The following NUP210 variants were observed in gnomAD, a reference collection of about 807,000 sequenced individuals.
The protein encoded by NUP210 is nucleoporin 210.
NUP210 carries 151 observed loss-of-function variants against 196.0 expected under a neutral mutation model. The ratio of observed to expected loss-of-function variants is 0.77; its 90% CI spans 0.67 to 0.88. NUP210 has a LOEUF of 0.88. Ranked by LOEUF, NUP210 falls within the 40% of genes least tolerant of loss-of-function variation. NUP210 has a pLI of 0.00. For synonymous variants in NUP210, 1,070 were observed against 1,052.7 expected (o/e 1.02, Z -0.32); for missense variants, 2,314 against 2,493.7 (o/e 0.93, Z 1.53).
intron 14 of NUP210, among the ~76,000 whole-genome samples, chr3:13,362,531 G>A (rs1395302906): frequency 6.6e-6 from 1 of 152,212 alleles, no homozygotes; most frequent in Non-Finnish European, 1.5e-5. Context: ...CCAGTCCAAG[G>A]TGTTTCGTTA....
In NUP210 at chr3:13,353,875, T is replaced by C. The variant is rs537999817; in HGVS notation, c.2521+40A>G. 362 of 1,570,038 alleles carry C rather than the reference T, an allele frequency of 2.3e-4. 5 individuals are homozygous for C. The South Asian group carries it at 4.0e-3, about 17-fold the overall frequency. ...CTTGGCAGGCTTCCTGTCTGGTCTCTGTTCTCCTGCCTGGGCCATCAGGCT... is the reference window on the plus strand; with the variant it reads ...CTTGGCAGGCTTCCTGTCTGGTCTCCGTTCTCCTGCCTGGGCCATCAGGCT... On this transcript the variant is annotated intron_variant, in intron 17 of 39. Transcript: ENST00000254508.
chr3:13,331,491 C>G (rs896791993), intron 29 of NUP210, among the ~76,000 whole-genome samples: 4 of 152,174 alleles, frequency 2.6e-5, no homozygotes, highest in African/African-American at 9.7e-5. Flanking sequence ...GCCCGAGCAT[C>G]TCCATCTGGG....
In NUP210 at chr3:13,333,050, G is replaced by T. The variant is rs111732499; in HGVS notation, c.3844-666C>A. On this transcript the variant is annotated intron_variant, in intron 28 of 39. Coordinates refer to ENST00000254508, the MANE Select transcript of NUP210 (RefSeq NM_024923.4). ...CCGTTCCACCTCCCAGGCTCCTCTGGCTGGCTCTGGCCATGTTCTTGCAGG... is the reference window on the plus strand; with the variant it reads ...CCGTTCCACCTCCCAGGCTCCTCTGTCTGGCTCTGGCCATGTTCTTGCAGG... Among the ~76,000 whole-genome samples, 411 of 152,196 alleles carry T rather than the reference G, an allele frequency of 2.7e-3. 2 individuals carry two copies. The highest frequency in any genetic ancestry group is 8.8e-3 in the African/African-American group (366 of 41,538).
At position 13,413,901 on chromosome 3, in the gene NUP210, A is replaced by C. The variant is rs9849361; in HGVS notation, c.167+6159T>G. Among the ~76,000 whole-genome samples, 6 of 152,288 alleles carry C rather than the reference A, an allele frequency of 3.9e-5. No homozygotes were observed. The East Asian group carries it at 9.6e-4, about 24-fold the overall frequency. On this transcript the variant is annotated intron_variant, in intron 1 of 39. Transcript: ENST00000254508. ...ATAAAAAAATATGTAAACCACATAC[A>C]GACACCAGAAGAAAACTTTTATTTT...
Position 13,319,826 on chromosome 3 carries a change from T to C in NUP210, c.5320A>G (p.Asn1774Asp). The C allele has an allele frequency of 6.2e-7, 1 of 1,614,202 alleles. No individual in the cohort carries two copies. Among genetic ancestry groups the C allele is most frequent in the Non-Finnish European group, 8.5e-7 (1 of 1,180,022 alleles). The change falls in exon 37 of 40, where the codon AAC (asparagine) becomes GAC (aspartate). Residue 1774 changes from asparagine (N) to aspartate (D), a missense_variant. Transcript: ENST00000254508. ...TTLTFSSPVT[N>D]QAIAIPVTVA... ...GTCACTGGGATGGCAATGGCTTGGT[T>C]GGTCACGGGGCTGGAGAAGGTCAGG... is the stretch of plus-strand genomic sequence containing the variant.
At chr3:13,331,626 T>G (rs2124844554) in intron 29 of NUP210, among the ~76,000 whole-genome samples, 1 of 152,348 alleles carries the variant, frequency 6.6e-6, no homozygotes, top group East Asian at 1.9e-4. Flanking sequence ...CACCCATATC[T>G]GTGTTCCTGG....
Position 13,379,449 on chromosome 3 carries a change from G to T in NUP210, c.976+114C>A. 1 of 1,341,298 alleles carries T rather than the reference G, an allele frequency of 7.5e-7. No homozygotes were observed. The highest frequency in any genetic ancestry group is 1.1e-6 in the Non-Finnish European group (1 of 947,210). 83.1% of individuals were successfully genotyped at this position (1,341,298 alleles called of 1,614,324 possible). A position where few individuals can be genotyped will look rare whatever the true frequency, so the allele number is the denominator to read the frequency against. The stretch of plus-strand genomic sequence containing the variant: ...TTCAGTTCTTTCTGATTTTCAGACC[G>T]TTGAGGGGAAACGGCTATTTTTAGC... On this transcript the variant is annotated intron_variant, in intron 7 of 39. Coordinates refer to ENST00000254508, the MANE Select transcript of NUP210 (RefSeq NM_024923.4). The surrounding 1 kb of genome is among the most constrained non-coding windows in gnomAD (Gnocchi z 4.2).
Position 13,360,258 on chromosome 3 carries a change from C to G in NUP210, c.2154+12G>C, listed in dbSNP as rs1559328025. On this transcript the variant is annotated intron_variant, in intron 15 of 39. Coordinates refer to ENST00000254508, the MANE Select transcript of NUP210 (RefSeq NM_024923.4). ...TTAGGGCAAGGAGGGTCTGGAGCAG[C>G]TGCCCACTCACCTGCTCACCCAAGG... 1 of 1,602,094 alleles carries G rather than the reference C, an allele frequency of 6.2e-7. No individual in the cohort carries two copies. The highest frequency in any genetic ancestry group is 1.1e-5 in the South Asian group (1 of 90,836).
chr3:13,327,830 C>T (rs1696830814), intron 31 of NUP210, among the ~76,000 whole-genome samples: 1 of 152,254 alleles, frequency 6.6e-6, no homozygotes, highest in Admixed American at 6.5e-5. Flanking sequence ...ACTGCAGAAG[C>T]AGCCTCTGCC....
At position 13,349,208 on chromosome 3, in the gene NUP210, C is replaced by T. The variant is rs1029253189; in HGVS notation, c.2835+2671G>A. Among the ~76,000 whole-genome samples, 7 of 152,322 alleles carry T rather than the reference C, an allele frequency of 4.6e-5. No individual in the cohort carries two copies. The East Asian group carries it at 1.4e-3, about 29-fold the overall frequency. ...GAAATAAGATGCCCATCCTCCCTGA[C>T]CTCCCACCCCAGTGAGCGGGGCTCC... is the stretch of plus-strand genomic sequence containing the variant. On this transcript the variant is annotated intron_variant, in intron 20 of 39. Coordinates refer to ENST00000254508, the MANE Select transcript of NUP210 (RefSeq NM_024923.4).
chr3:13,323,542 C>T lies in NUP210; in HGVS notation c.4645-110G>A. 2 of 1,255,808 alleles carry T rather than the reference C, an allele frequency of 1.6e-6. No individual in the cohort carries two copies. Among genetic ancestry groups the T allele is most frequent in the South Asian group, 2.8e-5 (2 of 71,892 alleles). 77.8% of individuals were successfully genotyped at this position (1,255,808 alleles called of 1,614,324 possible). On this transcript the variant is annotated intron_variant, in intron 33 of 39. Transcript: ENST00000254508. The surrounding 1 kb of genome is among the most constrained non-coding windows in gnomAD (Gnocchi z 4.3). ...CTGTGACATAGTGTCACCCGTTTCA[C>T]AGGTGGCAACACTGAGGCTCAAAGC...
chr3:13,340,356 A>G lies in NUP210; in HGVS notation c.3229-58T>C, dbSNP rs1055558838. 1.1e-5 allele frequency: 16 copies of G among 1,453,654 alleles called. No individual in the cohort carries two copies. Among genetic ancestry groups the G allele is most frequent in the African/African-American group, 9.8e-5 (7 of 71,730 alleles). 90.0% of individuals were successfully genotyped at this position (1,453,654 alleles called of 1,614,324 possible). On this transcript the variant is annotated intron_variant, in intron 23 of 39. Coordinates refer to ENST00000254508, the MANE Select transcript of NUP210 (RefSeq NM_024923.4). This position sits in a 1 kb window ranked among gnomAD's most constrained non-coding sequence, Gnocchi z 4.0. ...GTGCCCCAAGCCCATGGCGCCAAGC[A>G]TAACTCACACACTACATGTTTCATG...
chr3:13,355,574 C>A (rs2124884530), intron 16 of NUP210, among the ~76,000 whole-genome samples: 1 of 152,328 alleles, frequency 6.6e-6, no homozygotes. Context: ...GCCTGCCTGA[C>A]CGATACAGTC....
At chr3:13,352,328 G>A in intron 18 of NUP210, 144 bp from the exon 19 acceptor site, 1 of 622,780 alleles carries the variant, frequency 1.6e-6, no homozygotes, top group Admixed American at 2.8e-5. Context: ...AATGGCCACA[G>A]ACCCTTTGAG....
intron 6 of NUP210, among the ~76,000 whole-genome samples, chr3:13,381,326 A>G (rs1450916202): frequency 1.3e-5 from 2 of 152,148 alleles, no homozygotes; most frequent in African/African-American, 4.8e-5. Context: ...CATAGCACAG[A>G]TGTAACCCTC....
intron 1 of NUP210, among the ~76,000 whole-genome samples, chr3:13,413,073 T>C (rs1378107595): frequency 6.6e-6 from 1 of 152,048 alleles, no homozygotes; most frequent in African/African-American, 2.4e-5. Flanking sequence ...GAGACTAGCC[T>C]GGCCAATATG....
In NUP210 at chr3:13,317,399, G is replaced by T; in HGVS notation, c.*282C>A. 2.2e-6 allele frequency: 1 copy of T among 461,744 alleles called. No homozygotes were observed. The highest frequency in any genetic ancestry group is 3.9e-6 in the Non-Finnish European group (1 of 254,420). 28.6% of individuals were successfully genotyped at this position (461,744 alleles called of 1,614,324 possible). On this transcript the variant is annotated 3_prime_UTR_variant, in exon 40 of 40. Transcript: ENST00000254508. ...GAAAATAAAAATGCAACAGCACATT[G>T]TCCAGAAACCCTAGACAACCATGCA... is the stretch of plus-strand genomic sequence containing the variant.
intron 6 of NUP210, among the ~76,000 whole-genome samples, chr3:13,381,440 A>C (rs1322011634): frequency 7.8e-6 from 1 of 128,844 alleles, no homozygotes; most frequent in Non-Finnish European, 1.6e-5. Context: ...TTTTTTAGAG[A>C]TAGGTTCTTA....
At chr3:13,384,331 G>A (rs536204240) in intron 6 of NUP210, among the ~76,000 whole-genome samples, 59 of 152,324 alleles carry the variant, frequency 3.9e-4, no homozygotes, top group African/African-American at 1.4e-3. Context: ...AATTCCAATT[G>A]ATCCTACAGG....
Sources: gnomAD v4.1 joint callset for allele counts (sites outside exome capture counted in the v4.1 genomes callset) on GRCh38, gnomAD v4.1.1 for gene constraint, Gnocchi (gnomAD v3.1) non-coding constraint, MANE v1.5 for transcripts, NCBI Gene and HGNC (gene_info 2026-07-23, HGNC 2026-07-21) for gene names.